ADPRHL1: variants seen among roughly 807,000 people sequenced by gnomAD.
ADPRHL1 encodes the protein inactive ADP-ribosyltransferase ARH2.
Under a neutral mutation model 44.1 loss-of-function variants are expected in ADPRHL1, and 43 were observed. The ratio of observed to expected loss-of-function variants is 0.98; its 90% CI spans 0.76 to 1.26. The LOEUF (loss-of-function observed/expected upper bound fraction) is 1.26, where lower values mean the gene tolerates loss of function less well. Ranked by LOEUF, ADPRHL1 falls within the 50% of genes most tolerant of loss-of-function variation. ADPRHL1 has a pLI of 0.00. For synonymous variants in ADPRHL1, 878 were observed against 1,017.4 expected (o/e 0.86, Z 2.61); for missense variants, 2,022 against 2,496.9 (o/e 0.81, Z 4.05).
chr13:113,447,431 T>C (rs1047679758), intron 1 of ADPRHL1, among the ~76,000 whole-genome samples: 4 of 148,652 alleles, frequency 2.7e-5, no homozygotes, highest in Non-Finnish European at 5.9e-5. Flanking sequence ...GTGTGCATGG[T>C]GTCTACACTC....
intron 3 of ADPRHL1, among the ~76,000 whole-genome samples, chr13:113,430,823 G>A (rs1356758203): frequency 1.3e-5 from 2 of 152,112 alleles, no homozygotes; most frequent in African/African-American, 2.4e-5. Flanking sequence ...TGGTGCTGCC[G>A]ATGGGAGCAG....
intron 2 of ADPRHL1, 139 bp from the exon 3 acceptor site, chr13:113,434,006 C>A: frequency 7.7e-7 from 1 of 1,294,556 alleles, no homozygotes; most frequent in Non-Finnish European, 1.0e-6. Flanking sequence ...AATGAGCGAG[C>A]CATGGGCAGG....
At chr13:113,434,813 T>C (rs61968977) in intron 2 of ADPRHL1, among the ~76,000 whole-genome samples, 11,690 of 13,706 alleles carry the variant, frequency 0.85, 5,343 homozygotes, top group Admixed American at 0.9. Flanking sequence ...CCGGCACCCA[T>C]GCATAGAGTG....
intron 3 of ADPRHL1, among the ~76,000 whole-genome samples, chr13:113,432,171 T>C (rs1361278705): frequency 6.6e-6 from 1 of 152,188 alleles, no homozygotes; most frequent in Non-Finnish European, 1.5e-5. Flanking sequence ...TCGCCCAGGC[T>C]GCAGTGCAAT....
Position 113,453,471 on chromosome 13 carries a change from G to A in ADPRHL1, c.-34C>T, listed in dbSNP as rs746256039. The A allele has an allele frequency of 2.4e-5, 38 of 1,605,612 alleles. No individual in the cohort carries two copies. Among genetic ancestry groups the A allele is most frequent in the Admixed American group, 1.4e-4 (8 of 59,154 alleles). On this transcript the variant is annotated 5_prime_UTR_variant, in exon 1 of 8. Transcript: ENST00000612156. The surrounding 1 kb of genome is among the most constrained non-coding windows in gnomAD (Gnocchi z 5.4). The stretch of plus-strand genomic sequence containing the variant: ...GCAGCTCCTCTTCCCCAACAGCTGC[G>A]GAGCGTCCTGGCCTTTGTCTCCTCC...
At chr13:113,431,496 G>A (rs1029635424) in intron 3 of ADPRHL1, among the ~76,000 whole-genome samples, 2 of 152,330 alleles carry the variant, frequency 1.3e-5, no homozygotes, top group South Asian at 2.1e-4. Flanking sequence ...CCCTGCCTAC[G>A]GCTCTGCCCC....
intron 7 of ADPRHL1, among the ~76,000 whole-genome samples, chr13:113,416,768 AT>A (rs2043889104): frequency 6.6e-6 from 1 of 152,268 alleles, no homozygotes; most frequent in African/African-American, 2.4e-5. Context: ...CCGATTTTGA[AT>A]AAGCAAACAG....
In ADPRHL1 at chr13:113,418,015, G is replaced by C. The variant is rs1178134876; in HGVS notation, c.1061+4811C>G. Among the ~76,000 whole-genome samples the C allele has an allele frequency of 2.0e-5, 3 of 152,210 alleles. No individual in the cohort carries two copies. The East Asian group carries it at 5.8e-4, about 29-fold the overall frequency. ...AGGTGGCATTGGCTTCTGGCAGCTT[G>C]GGCCTGAGGTTATGCAATCGCCAGG... On this transcript the variant is annotated intron_variant, in intron 7 of 7. Transcript: ENST00000612156.
In ADPRHL1 at chr13:113,433,813, T is replaced by A. The variant is rs1486237853; in HGVS notation, c.434A>T (p.Lys145Met). 2.5e-6 allele frequency: 4 copies of A among 1,583,572 alleles called. No individual in the cohort carries two copies. In the African/African-American group the frequency reaches 5.4e-5, roughly 21 times the overall value. ...GATGAGGGTCTCCAGCCGCTCAGGC[T>A]TCCAGTACCGCAGGCCGATGCACAT... ...KAMCIGLRYW[K>M]PERLETLIEV... is the part of the protein sequence containing the mutation. The change falls in exon 3 of 8, where the codon AAG (lysine) becomes ATG (methionine). Residue 145 changes from lysine to methionine, a missense_variant. This residue lies in a region of ADPRHL1 where 437 missense variants were observed against 430.7 expected (regional missense o/e 1.01). Transcript: ENST00000612156.
Position 113,441,060 on chromosome 13 carries a change from G to A in ADPRHL1, c.379+3365C>T, listed in dbSNP as rs1295241338. ...CCCAGCTACTTGGGAGGTGGAGGCAGGAGAATCAGCTGAACCCGGGAAGTA... is the reference window on the plus strand; with the variant it reads ...CCCAGCTACTTGGGAGGTGGAGGCAAGAGAATCAGCTGAACCCGGGAAGTA... On this transcript the variant is annotated intron_variant, in intron 2 of 7. Coordinates refer to ENST00000612156, the MANE Select transcript of ADPRHL1 (RefSeq NM_001394807.1). This position sits in a 1 kb window ranked among gnomAD's most constrained non-coding sequence, Gnocchi z 6.0. Among the ~76,000 whole-genome samples the A allele has an allele frequency of 6.6e-6, 1 of 152,110 alleles. No individual in the cohort carries two copies. Among genetic ancestry groups the A allele is most frequent in the Non-Finnish European group, 1.5e-5 (1 of 68,026 alleles).
chr13:113,435,193 CGTAGAGTGA>C (rs2044042330), intron 2 of ADPRHL1, among the ~76,000 whole-genome samples: 2 of 14,974 alleles, frequency 1.3e-4, no homozygotes, highest in Non-Finnish European at 3.0e-4. Context: ...AGCACCGAGG[CGTAGAGTGA>C]ACATAGGTGT....
At chr13:113,435,374 T>G (rs1265241015) in intron 2 of ADPRHL1, among the ~76,000 whole-genome samples, 2 of 134,786 alleles carry the variant, frequency 1.5e-5, no homozygotes, top group African/African-American at 3.0e-5. Flanking sequence ...AGAGTGAACA[T>G]AGGTGTACCC....
At chr13:113,451,042 C>T (rs975168840) in intron 1 of ADPRHL1, among the ~76,000 whole-genome samples, 14 of 151,188 alleles carry the variant, frequency 9.3e-5, no homozygotes, top group African/African-American at 1.7e-4. Flanking sequence ...TGGTAACGGG[C>T]GTCTTCCCAG....
intron 7 of ADPRHL1, among the ~76,000 whole-genome samples, chr13:113,417,207 G>A (rs2043891308): frequency 6.6e-6 from 1 of 152,178 alleles, no homozygotes; most frequent in African/African-American, 2.4e-5. Context: ...CCTGGTGTGT[G>A]GGACAAGACA....
chr13:113,434,798 A>G (rs36137474), intron 2 of ADPRHL1, among the ~76,000 whole-genome samples: 12,119 of 13,906 alleles, frequency 0.87, 5,514 homozygotes, highest in East Asian at 0.93. Context: ...GGTGTACCCC[A>G]GGACCCGGCA....
intron 7 of ADPRHL1, among the ~76,000 whole-genome samples, chr13:113,415,121 C>T (rs115908255): frequency 0.017 from 2,598 of 152,258 alleles, 65 homozygotes; most frequent in African/African-American, 0.059. Flanking sequence ...TTGGCAGCTG[C>T]GGTGGCAGAG....
intron 4 of ADPRHL1, 131 bp from the exon 5 acceptor site, chr13:113,425,310 G>A (rs535869051): frequency 2.2e-6 from 2 of 897,644 alleles, no homozygotes; most frequent in African/African-American, 1.7e-5. Flanking sequence ...CTACCCAGCT[G>A]CAGGCATGTG....
At chr13:113,414,465 C>T (rs578233877) in intron 7 of ADPRHL1, among the ~76,000 whole-genome samples, 46 of 150,594 alleles carry the variant, frequency 3.1e-4, no homozygotes, top group Admixed American at 2.3e-3. Flanking sequence ...GCTCAGCCCC[C>T]GGCTTCCCTC....
At chr13:113,433,453 G>A (rs1402310464) in intron 3 of ADPRHL1, among the ~76,000 whole-genome samples, 2 of 152,118 alleles carry the variant, frequency 1.3e-5, no homozygotes, top group Admixed American at 1.3e-4. Context: ...CTGCTTTTGG[G>A]CTGAAAACAG....
Sources: gnomAD v4.1 joint callset for allele counts (sites outside exome capture counted in the v4.1 genomes callset) on GRCh38, gnomAD v4.1.1 for gene constraint, gnomAD v4.1.1 regional missense constraint, Gnocchi (gnomAD v3.1) non-coding constraint, MANE v1.5 for transcripts, NCBI Gene and HGNC (gene_info 2026-07-23, HGNC 2026-07-21) for gene names.